The following EFCAB6 variants were observed in gnomAD, a reference collection of about 807,000 sequenced individuals.
EFCAB6 encodes EF-hand calcium-binding domain-containing protein 6.
A neutral mutation model predicts 169.8 loss-of-function variants in EFCAB6; 156 were observed. The ratio of observed to expected loss-of-function variants is 0.92; its 90% CI spans 0.81 to 1.05. EFCAB6 has a LOEUF of 1.05. Among genes scored for constraint, EFCAB6 ranks in the 50% least tolerant of loss-of-function variants. EFCAB6 has a pLI of 0.00. For synonymous variants in EFCAB6, 698 were observed against 676.4 expected, an observed-to-expected ratio of 1.03 and a Z score of -0.50; for missense variants, 1,800 against 1,829.1, an observed-to-expected ratio of 0.98 and a Z score of 0.29.
chr22:43,714,296 T>C (rs2059255939), intron 9 of EFCAB6, among the ~76,000 whole-genome samples: 1 of 151,606 alleles, frequency 6.6e-6, no homozygotes, highest in African/African-American at 2.4e-5. Flanking sequence ...GCAAAGATGA[T>C]CCAATATAAG....
Position 43,702,105 on chromosome 22 carries a change from C to A in EFCAB6, c.1031+9370G>T, listed in dbSNP as rs150331082. On this transcript the variant is annotated intron_variant, in intron 10 of 31. Transcript: ENST00000262726. Reference sequence around the variant, plus strand: ...CGAGAAACAGAAATTAAAACAATCACAAGGCACTACTTTACACCTCATGAG... The same window carrying A: ...CGAGAAACAGAAATTAAAACAATCAAAAGGCACTACTTTACACCTCATGAG... Among the ~76,000 whole-genome samples the A allele has an allele frequency of 5.7e-4, 87 of 152,308 alleles. 1 individual carries two copies. The East Asian group carries it at 0.016, about 28-fold the overall frequency.
chr22:43,808,522 A>C, intron 2 of EFCAB6, among the ~76,000 whole-genome samples: 1 of 152,202 alleles, frequency 6.6e-6, no homozygotes, highest in East Asian at 1.9e-4. Flanking sequence ...CCACTGCTCC[A>C]AAGGTGTAGA....
intron 25 of EFCAB6, among the ~76,000 whole-genome samples, chr22:43,579,672 A>G (rs770435243): frequency 6.6e-6 from 1 of 150,924 alleles, no homozygotes; most frequent in Non-Finnish European, 1.5e-5. Context: ...ACACGTAGGC[A>G]TCATTGCTTA....
chr22:43,771,339 A>T (rs2061462842), intron 4 of EFCAB6, among the ~76,000 whole-genome samples: 1 of 152,204 alleles, frequency 6.6e-6, no homozygotes, highest in Non-Finnish European at 1.5e-5. Flanking sequence ...CTGAGGCACA[A>T]GAATCACTTG....
intron 24 of EFCAB6, among the ~76,000 whole-genome samples, chr22:43,589,723 G>T (rs1222796833): frequency 3.9e-5 from 6 of 152,180 alleles, no homozygotes; most frequent in African/African-American, 1.2e-4. Context: ...AGGAGGCAGA[G>T]GTTGCAGTGA....
At position 43,580,548 on chromosome 22, in the gene EFCAB6, T is replaced by C; in HGVS notation, c.3144A>G (p.Pro1048=). The change falls in exon 25 of 32, where the codon CCA becomes CCG. Residue 1048 remains proline (P), a synonymous_variant. Coordinates refer to ENST00000262726, the MANE Select transcript of EFCAB6 (RefSeq NM_022785.4). ...GTGGATTCAGCGTTGCAAAATTGAT[T>C]GGCATGCTCTCTTCTTTTTCCTTGG... ...AQPKEKEESM[P]INFATLNPQE... 6.2e-7 allele frequency: 1 copy of C among 1,614,142 alleles called. No individual in the cohort carries two copies. Among genetic ancestry groups the C allele is most frequent in the Non-Finnish European group, 8.5e-7 (1 of 1,180,002 alleles).
intron 31 of EFCAB6, among the ~76,000 whole-genome samples, chr22:43,529,469 A>G (rs948471818): frequency 1.1e-4 from 16 of 152,212 alleles, no homozygotes; most frequent in Non-Finnish European, 1.5e-4. Flanking sequence ...CTCTTCAGTT[A>G]TAGAACCTGA....
At chr22:43,621,089 ATTTTTT>A (rs3072756) in intron 20 of EFCAB6, among the ~76,000 whole-genome samples, 1 of 141,682 alleles carries the variant, frequency 7.1e-6, no homozygotes. Flanking sequence ...ACACTATGCA[ATTTTTT>A]TTTTTTTTTT....
chr22:43,676,267 A>G (rs1027761429), intron 13 of EFCAB6, among the ~76,000 whole-genome samples: 1 of 151,894 alleles, frequency 6.6e-6, no homozygotes, highest in Non-Finnish European at 1.5e-5. Flanking sequence ...CATACAAAAA[A>G]TTAGCCGGGT....
At chr22:43,716,775 C>T (rs779914788) in intron 9 of EFCAB6, 73 bp downstream of exon 9, 4 of 1,522,538 alleles carry the variant, frequency 2.6e-6, no homozygotes, top group Non-Finnish European at 3.5e-6. Flanking sequence ...ATGTGTAAAC[C>T]TAATAGTTTT....
chr22:43,546,596 C>T (rs1246862663), intron 27 of EFCAB6, among the ~76,000 whole-genome samples: 6 of 152,098 alleles, frequency 3.9e-5, no homozygotes, highest in South Asian at 2.1e-4. Flanking sequence ...TCAGGCCGGG[C>T]GTGGTGGCTC....
At chr22:43,702,967 A>G (rs970078697) in intron 10 of EFCAB6, among the ~76,000 whole-genome samples, 1 of 152,194 alleles carries the variant, frequency 6.6e-6, no homozygotes, top group African/African-American at 2.4e-5. Context: ...TGTTCAGCCC[A>G]GCCTCAAAGC....
At chr22:43,648,194 T>A (rs1347460891) in intron 17 of EFCAB6, among the ~76,000 whole-genome samples, 1 of 152,128 alleles carries the variant, frequency 6.6e-6, no homozygotes, top group African/African-American at 2.4e-5. Flanking sequence ...ACTACTATTA[T>A]CTCCATTTTA....
chr22:43,600,327 G>C (rs559783456), intron 22 of EFCAB6, 64 bp from the exon 23 acceptor site: 19 of 1,546,326 alleles, frequency 1.2e-5, no homozygotes, highest in Non-Finnish European at 1.5e-5. Flanking sequence ...TGATGCTCAG[G>C]GTTTGGAAAA....
At position 43,531,088 on chromosome 22, in the gene EFCAB6, C is replaced by T. The variant is rs2047035546; in HGVS notation, c.4234-124G>A. 51 of 1,314,020 alleles carry T rather than the reference C, an allele frequency of 3.9e-5. No individual in the cohort carries two copies. The South Asian group carries it at 6.3e-4, about 16-fold the overall frequency. The allele number at this position is 1,314,020 out of a possible 1,614,324, so 81.4% of individuals were successfully genotyped here. A position where few individuals can be genotyped will look rare whatever the true frequency, so the allele number is the denominator to read the frequency against. On this transcript the variant is annotated intron_variant, in intron 30 of 31. Coordinates refer to ENST00000262726, the MANE Select transcript of EFCAB6 (RefSeq NM_022785.4). ...CGGCTTCACCTCCCAACCTGCTCCG[C>T]TGGCTCTGAATCGAGGAGGGAGCCT...
At chr22:43,653,051 C>A (rs144647789) in intron 17 of EFCAB6, among the ~76,000 whole-genome samples, 1 of 152,014 alleles carries the variant, frequency 6.6e-6, no homozygotes, top group Admixed American at 6.6e-5. Flanking sequence ...GGGGCTGAAG[C>A]GCTGAAAGCA....
At position 43,615,872 on chromosome 22, in the gene EFCAB6, T is replaced by C; in HGVS notation, c.2516A>G (p.Gln839Arg). ...DSELACEQAH[Q>R]YLVTKAKNRW... ...GTTTTTTGCTTTGGTAACAAGATAC[T>C]GATGAGCCTGCTCACAAGCTAGTTC... is the stretch of plus-strand genomic sequence containing the variant. The change falls in exon 21 of 32, where the codon CAG becomes CGG. Residue 839 changes from glutamine to arginine, a missense_variant. Gln to Arg is a conservative substitution (Grantham distance 43). Transcript: ENST00000262726. 6.2e-7 allele frequency: 1 copy of C among 1,613,874 alleles called. No homozygotes were observed. Among genetic ancestry groups the C allele is most frequent in the Non-Finnish European group, 8.5e-7 (1 of 1,179,976 alleles).
At chr22:43,568,620 G>A (rs926542) in intron 26 of EFCAB6, among the ~76,000 whole-genome samples, 112,479 of 151,780 alleles carry the variant, frequency 0.74, 41,800 homozygotes, top group Admixed American at 0.81. Flanking sequence ...TGAGGATGCC[G>A]GAGTGGTGAT....
chr22:43,556,966 T>C (rs548953115), intron 26 of EFCAB6, among the ~76,000 whole-genome samples: 3 of 152,240 alleles, frequency 2.0e-5, no homozygotes, highest in Non-Finnish European at 4.4e-5. Context: ...CCCTAAGGGA[T>C]GTTGGCATCA....
Sources: gnomAD v4.1 joint callset for allele counts (sites outside exome capture counted in the v4.1 genomes callset) on GRCh38, gnomAD v4.1.1 for gene constraint, MANE v1.5 for transcripts, NCBI Gene and HGNC (gene_info 2026-07-23, HGNC 2026-07-21) for gene names.